NLRP5: variants seen among roughly 807,000 people sequenced by gnomAD.
NLRP5 encodes the protein NLR family pyrin domain containing 5.
A neutral mutation model predicts 113.1 loss-of-function variants in NLRP5; 93 were observed. The ratio of observed to expected loss-of-function variants is 0.82; its 90% confidence interval spans 0.70 to 0.98. The LOEUF (loss-of-function observed/expected upper bound fraction) is 0.98. Ranked by LOEUF, NLRP5 falls within the 50% of genes least tolerant of loss-of-function variation. The pLI, the probability that NLRP5 is intolerant of heterozygous loss-of-function variation, is 0.00. For missense variants in NLRP5, 1,808 were observed against 1,514.3 expected, an observed-to-expected ratio of 1.19 and a Z score of -3.22; for synonymous variants, 751 against 600.7, an observed-to-expected ratio of 1.25 and a Z score of -3.66.
intron 12 of NLRP5, 141 bp from the exon 13 acceptor site, chr19:56,053,497 C>A: frequency 1.5e-6 from 1 of 659,814 alleles, no homozygotes. Flanking sequence ...ACCACGTGGT[C>A]TAAGCTGTTC....
chr19:56,058,721 C>T (rs1417005929), intron 14 of NLRP5, among the ~76,000 whole-genome samples: 1 of 152,184 alleles, frequency 6.6e-6, no homozygotes, highest in Non-Finnish European at 1.5e-5. Context: ...AATCTTACTT[C>T]TGAGTATGTT....
chr19:56,050,602 G>C lies in NLRP5; in HGVS notation c.3128+14G>C. ...CCAGGACCTGGAGTGAGTTTCCCAT[G>C]GGCGTTGGGTCAACTCTATCATACT... On this transcript the variant is annotated intron_variant, in intron 12 of 14. Coordinates refer to ENST00000390649, the MANE Select transcript of NLRP5 (RefSeq NM_153447.4). 1 of 1,611,742 alleles carries C rather than the reference G, an allele frequency of 6.2e-7. No homozygotes were observed. Among genetic ancestry groups the C allele is most frequent in the Non-Finnish European group, 8.5e-7 (1 of 1,178,488 alleles).
chr19:56,041,721 G>A (rs190055830), intron 11 of NLRP5, among the ~76,000 whole-genome samples: 166 of 152,318 alleles, frequency 1.1e-3, no homozygotes, highest in African/African-American at 3.8e-3. Flanking sequence ...GCTGAGGCAG[G>A]TGGATCATTT....
chr19:56,038,180 C>A lies in NLRP5; in HGVS notation c.2771C>A (p.Ala924Asp). The change falls in exon 10 of 15, where the codon GCC (alanine) becomes GAC (aspartate). Residue 924 changes from alanine to aspartate, a missense_variant. By Grantham distance (126) the Ala-to-Asp change is moderately radical (BLOSUM62 -2). Transcript: ENST00000390649. ...GATGCCTTGAGAGTCTCCCAGTGCG[C>A]CCTGCAGAAGCTGATGTGAGTGCCA... The A allele has an allele frequency of 1.2e-6, 2 of 1,613,774 alleles. No homozygotes were observed. Among genetic ancestry groups the A allele is most frequent in the Non-Finnish European group, 8.5e-7 (1 of 1,179,750 alleles).
At chr19:55,991,472 C>T in the NLRP5 span, among the ~76,000 whole-genome samples, 3 of 152,084 alleles carry the variant, frequency 2.0e-5, no homozygotes, top group Admixed American at 2.0e-4. Flanking sequence ...GGGAATCTGC[C>T]TCTGCCTCAC....
At chr19:56,026,546 A>T (rs1982858075) in intron 6 of NLRP5, among the ~76,000 whole-genome samples, 1 of 149,806 alleles carries the variant, frequency 6.7e-6, no homozygotes, top group Non-Finnish European at 1.5e-5. Flanking sequence ...AAAAAAAAAA[A>T]AAATAGACTG....
chr19:56,015,666 TG>T, intron 3 of NLRP5, 75 bp from the exon 4 acceptor site: 1 of 1,227,830 alleles, frequency 8.1e-7, no homozygotes, highest in Non-Finnish European at 1.1e-6. Context: ...TAAGTTTATC[TG>T]GGGTGTCCAA....
intron 11 of NLRP5, among the ~76,000 whole-genome samples, chr19:56,049,134 G>A (rs530624336): frequency 3.6e-4 from 53 of 146,348 alleles, no homozygotes; most frequent in Non-Finnish European, 6.8e-4. Context: ...GGTGTGTGCC[G>A]CCACACCCAG....
upstream of NLRP5, among the ~76,000 whole-genome samples, chr19:55,999,274 C>T (rs1009954123): frequency 2.9e-5 from 4 of 136,420 alleles, no homozygotes; most frequent in African/African-American, 1.1e-4. Context: ...GAGTGCAATG[C>T]CACAATCTTG....
rs1983390073 is a variant in NLRP5, at chr19:56,038,187, G to T, written c.2778G>T (p.Gln926His). The T allele has an allele frequency of 1.9e-6, 3 of 1,613,698 alleles. No individual in the cohort carries two copies. The highest frequency in any genetic ancestry group is 2.5e-6 in the Non-Finnish European group (3 of 1,179,706). ...TGAGAGTCTCCCAGTGCGCCCTGCA[G>T]AAGCTGATGTGAGTGCCACTTCCTT... Residue 926 changes from glutamine to histidine, a missense_variant, in exon 10 of 15, where the codon CAG becomes CAT. By Grantham distance (24) the Gln-to-His change is conservative. Coordinates refer to ENST00000390649, the MANE Select transcript of NLRP5 (RefSeq NM_153447.4).
chr19:55,988,886 A>G, the NLRP5 span, among the ~76,000 whole-genome samples: 1 of 152,198 alleles, frequency 6.6e-6, no homozygotes, highest in African/African-American at 2.4e-5. Flanking sequence ...CCATGTATCC[A>G]GGTGGTTTAT....
chr19:55,998,688 A>ATATATATGTGTGTGTGTGTG (rs1568478179), upstream of NLRP5, among the ~76,000 whole-genome samples: 21 of 50,288 alleles, frequency 4.2e-4, no homozygotes, highest in African/African-American at 1.9e-3. Context: ...ATATATATAT[A>ATATATATGTGTGTGTGTGTG]TATATATATA....
chr19:56,025,147 T>C (rs1403153570), intron 6 of NLRP5, among the ~76,000 whole-genome samples: 3 of 152,136 alleles, frequency 2.0e-5, no homozygotes, highest in African/African-American at 7.2e-5. Context: ...CTCCCACTGA[T>C]CCTACATTAT....
chr19:56,017,261 C>T lies in NLRP5; in HGVS notation c.565+1463C>T, dbSNP rs576164197. 1.1e-3 allele frequency among the ~76,000 whole-genome samples: 175 copies of T among 152,244 alleles called. 1 individual carries two copies. Among genetic ancestry groups the T allele is most frequent in the African/African-American group, 4.0e-3 (165 of 41,540 alleles). ...GAACAAACTGGTAGGTTTGTTTTCT[C>T]TATGGTATTTCCATCTTGTATTTTG... On this transcript the variant is annotated intron_variant, in intron 4 of 14. Transcript: ENST00000390649.
the NLRP5 span, chr19:55,987,813 G>C: frequency 6.2e-7 from 1 of 1,612,760 alleles, no homozygotes; most frequent in South Asian, 1.1e-5. Context: ...CCTCCCTCCA[G>C]CTGTATTCCT....
intron 3 of NLRP5, among the ~76,000 whole-genome samples, chr19:56,009,192 T>C (rs1313796941): frequency 1.3e-5 from 2 of 151,226 alleles, no homozygotes. Context: ...TACAAAAAAA[T>C]AGCCAGACGT....
intron 13 of NLRP5, among the ~76,000 whole-genome samples, chr19:56,055,615 A>G (rs563803796): frequency 3.8e-4 from 50 of 130,526 alleles, no homozygotes; most frequent in South Asian, 9.8e-4. Context: ...GCGCGATCTC[A>G]GCTCACTGCA....
At chr19:56,041,351 A>G (rs1296498289) in intron 11 of NLRP5, among the ~76,000 whole-genome samples, 2 of 152,162 alleles carry the variant, frequency 1.3e-5, no homozygotes, top group African/African-American at 2.4e-5. Context: ...CATGTTCTAC[A>G]AAGTCACTCT....
intron 11 of NLRP5, among the ~76,000 whole-genome samples, chr19:56,049,879 G>T (rs1983866177): frequency 6.6e-6 from 1 of 151,972 alleles, no homozygotes; most frequent in Non-Finnish European, 1.5e-5. Context: ...ATCCATTGCT[G>T]GTGAACTAGT....
Sources: gnomAD v4.1 joint callset for allele counts (sites outside exome capture counted in the v4.1 genomes callset) on GRCh38, gnomAD v4.1.1 for gene constraint, MANE v1.5 for transcripts, NCBI Gene and HGNC (gene_info 2026-07-23, HGNC 2026-07-21) for gene names.